Variants in CCM2 observed in about 807,000 individuals in gnomAD.
CCM2 encodes the protein cerebral cavernous malformations 2 protein.
A neutral mutation model predicts 44.9 loss-of-function variants in CCM2; 25 were observed. The ratio of observed to expected loss-of-function variants is 0.56; its 90% CI spans 0.41 to 0.78. The LOEUF (loss-of-function observed/expected upper bound fraction) is 0.78. Among genes scored for constraint, CCM2 ranks in the 30% least tolerant of loss-of-function variants. The probability of loss-of-function intolerance (pLI) is 0.00; values close to 1 mark genes in which losing one functional copy is unlikely to be tolerated. For synonymous variants in CCM2, 219 were observed against 241.1 expected, an observed-to-expected ratio of 0.91 and a Z score of 0.85; for missense variants, 481 against 580.6, an observed-to-expected ratio of 0.83 and a Z score of 1.76.
chr7:45,058,070 G>A (rs924820909), intron 2 of CCM2, among the ~76,000 whole-genome samples: 4 of 152,208 alleles, frequency 2.6e-5, no homozygotes, highest in African/African-American at 9.7e-5. Flanking sequence ...ATGTCACCGT[G>A]TTTACGTTGC....
chr7:45,042,482 A>G (rs1797559250), intron 2 of CCM2, among the ~76,000 whole-genome samples: 1 of 152,112 alleles, frequency 6.6e-6, no homozygotes, highest in Non-Finnish European at 1.5e-5. Flanking sequence ...AAAGCCCATC[A>G]TAGTAGAATT....
At chr7:45,044,399 G>T (rs1337105013) in intron 2 of CCM2, among the ~76,000 whole-genome samples, 1 of 152,204 alleles carries the variant, frequency 6.6e-6, no homozygotes, top group Non-Finnish European at 1.5e-5. Flanking sequence ...GCCTCCAAAG[G>T]TGCTGGGATT....
At chr7:45,015,406 G>A (rs372740855) in intron 1 of CCM2, among the ~76,000 whole-genome samples, 7 of 152,270 alleles carry the variant, frequency 4.6e-5, no homozygotes, top group African/African-American at 1.7e-4. Context: ...ACAGTTTGCT[G>A]TTGGGGATGC....
At chr7:45,002,219 C>G (rs1795666402) in intron 1 of CCM2, among the ~76,000 whole-genome samples, 1 of 152,216 alleles carries the variant, frequency 6.6e-6, no homozygotes, top group African/African-American at 2.4e-5. Flanking sequence ...GAAGTGCTGA[C>G]AATAGTTTTA....
At chr7:45,054,000 C>T (rs1228357448) in intron 2 of CCM2, among the ~76,000 whole-genome samples, 1 of 152,144 alleles carries the variant, frequency 6.6e-6, no homozygotes, top group Non-Finnish European at 1.5e-5. Context: ...GACCCCTTCT[C>T]AGGGTGTTAA....
At chr7:45,054,481 A>G (rs10271709) in intron 2 of CCM2, among the ~76,000 whole-genome samples, 20,122 of 146,902 alleles carry the variant, frequency 0.14, 1,630 homozygotes, top group Middle Eastern at 0.23. Context: ...ATTTAGGATC[A>G]ATATTAAAAA....
intron 1 of CCM2, 81 bp from the exon 2 acceptor site, chr7:45,038,172 C>T: frequency 6.4e-7 from 1 of 1,554,216 alleles, no homozygotes; most frequent in Non-Finnish European, 8.8e-7. Flanking sequence ...GTAGTTTTGG[C>T]TACTTCTGTT....
chr7:45,021,627 C>G (rs949860892), intron 1 of CCM2, among the ~76,000 whole-genome samples: 1 of 151,974 alleles, frequency 6.6e-6, no homozygotes, highest in Non-Finnish European at 1.5e-5. Context: ...GCACCATCTC[C>G]CTGTCCCCTG....
Position 45,069,822 on chromosome 7 carries a change from G to T in CCM2, c.610-4G>T, listed in dbSNP as rs759257759. 1 of 1,613,934 alleles carries T rather than the reference G, an allele frequency of 6.2e-7. No homozygotes were observed. Among genetic ancestry groups the T allele is most frequent in the African/African-American group, 1.3e-5 (1 of 74,966 alleles). On this transcript the variant is annotated splice_polypyrimidine_tract_variant and splice_region_variant and intron_variant, in intron 5 of 9. Coordinates refer to ENST00000258781, the MANE Select transcript of CCM2 (RefSeq NM_031443.4). ...GACCGAGCAGCTGCTGTCCCCCACT[G>T]CAGGTCGCTGCGGAGGAGCTTTGCT... is the stretch of plus-strand genomic sequence containing the variant.
At chr7:45,041,480 C>A (rs1178977655) in intron 2 of CCM2, among the ~76,000 whole-genome samples, 1 of 152,118 alleles carries the variant, frequency 6.6e-6, no homozygotes, top group African/African-American at 2.4e-5. Flanking sequence ...GTCTTTTTGC[C>A]TCATGTAGCC....
At chr7:45,027,709 A>G (rs754697580) in intron 1 of CCM2, 2 of 1,614,140 alleles carry the variant, frequency 1.2e-6, no homozygotes, top group South Asian at 2.2e-5. Flanking sequence ...TAGAGAATGC[A>G]TAGTAGCTGT....
chr7:45,000,251 G>A lies in CCM2; in HGVS notation c.-83G>A. 1.1e-6 allele frequency: 1 copy of A among 879,514 alleles called. No individual in the cohort carries two copies. The allele number at this position is 879,514 out of a possible 1,614,324, so 54.5% of individuals were successfully genotyped here. On this transcript the variant is annotated 5_prime_UTR_variant, in exon 1 of 10. Transcript: ENST00000258781. ...CGGCGCCGGGAGCGCGGGGGCGGCG[G>A]GCCCGGGTCGAGCATGTAGCGGCTG...
At chr7:45,036,286 C>G (rs543766529) in intron 1 of CCM2, among the ~76,000 whole-genome samples, 8 of 152,186 alleles carry the variant, frequency 5.3e-5, no homozygotes, top group South Asian at 2.1e-4. Flanking sequence ...GATTCCATGT[C>G]TGTTTTAGTG....
intron 1 of CCM2, among the ~76,000 whole-genome samples, chr7:45,023,787 GTTTTTTTTTTT>G (rs10596429): frequency 5.1e-5 from 3 of 58,644 alleles, no homozygotes; most frequent in East Asian, 4.9e-4. Flanking sequence ...CTCTGTATCA[GTTTTTTTTTTT>G]TTTTTTTTTT....
intron 1 of CCM2, among the ~76,000 whole-genome samples, chr7:45,014,705 T>C (rs1198140436): frequency 1.4e-5 from 2 of 144,778 alleles, no homozygotes; most frequent in Non-Finnish European, 3.0e-5. Flanking sequence ...CACTCCAACC[T>C]CCACCTCCTG....
chr7:45,073,616 T>C, intron 8 of CCM2, 45 bp downstream of exon 8: 1 of 1,167,578 alleles, frequency 8.6e-7, no homozygotes, highest in South Asian at 1.2e-5. Flanking sequence ...AGGGAGGGGG[T>C]GCCCCAGGGA....
chr7:45,005,312 C>G (rs770949860), intron 1 of CCM2, among the ~76,000 whole-genome samples: 1 of 152,212 alleles, frequency 6.6e-6, no homozygotes, highest in Non-Finnish European at 1.5e-5. Flanking sequence ...TAATTTTCAA[C>G]ATATTGTCAG....
intron 1 of CCM2, among the ~76,000 whole-genome samples, chr7:45,022,336 C>T (rs1187958664): frequency 9.9e-6 from 1 of 100,688 alleles, no homozygotes; most frequent in Non-Finnish European, 1.8e-5. Flanking sequence ...GAGTCTTGCT[C>T]TGTTGCCCAG....
At chr7:45,064,416 GGTTGACA>G in intron 3 of CCM2, 40 bp from the exon 4 acceptor site, 1 of 1,593,980 alleles carries the variant, frequency 6.3e-7, no homozygotes, top group East Asian at 2.2e-5. Context: ...GCCCCATGCC[GGTTGACA>G]GCTGAGTCTG....
Sources: gnomAD v4.1 joint callset for allele counts (sites outside exome capture counted in the v4.1 genomes callset) on GRCh38, gnomAD v4.1.1 for gene constraint, MANE v1.5 for transcripts, NCBI Gene and HGNC (gene_info 2026-07-23, HGNC 2026-07-21) for gene names.